Variants in RNF103 observed in about 807,000 individuals in gnomAD.
The protein encoded by RNF103 is E3 ubiquitin-protein ligase RNF103.
Under a neutral mutation model 66.2 loss-of-function variants are expected in RNF103, and 23 were observed. The ratio of observed to expected loss-of-function variants is 0.35; its 90% CI spans 0.25 to 0.49. RNF103 has a LOEUF of 0.49. Among genes scored for constraint, RNF103 ranks in the 20% least tolerant of loss-of-function variants. The pLI, the probability that RNF103 is intolerant of heterozygous loss-of-function variation, is 0.98. For missense variants in RNF103, 730 were observed against 814.7 expected (o/e 0.90, Z 1.27); for synonymous variants, 297 against 289.9 (o/e 1.02, Z -0.25).
rs1310751841 is a variant in RNF103, at chr2:86,617,193, G to A, written c.366+3137C>T. Reference sequence around the variant, plus strand: ...CATTACAGAGACTATACGTAACATGGACCTGGAAAAGCTTAAAAATATGAA... The same window carrying A: ...CATTACAGAGACTATACGTAACATGAACCTGGAAAAGCTTAAAAATATGAA... On this transcript the variant is annotated intron_variant, in intron 2 of 3. Transcript: ENST00000237455. The A allele has an allele frequency of 3.0e-6, 3 of 985,226 alleles. No homozygotes were observed. In the African/African-American group the frequency reaches 5.2e-5, roughly 17 times the overall value. The allele number at this position is 985,226 out of a possible 1,614,324, so 61.0% of individuals were successfully genotyped here. A position where few individuals can be genotyped will look rare whatever the true frequency, so the allele number is the denominator to read the frequency against.
chr2:86,609,512 G>A (rs1230821444), intron 3 of RNF103, among the ~76,000 whole-genome samples: 6 of 150,996 alleles, frequency 4.0e-5, no homozygotes, highest in African/African-American at 1.5e-4. Flanking sequence ...TCAGTCTCCC[G>A]AGTAGCTGGG....
intron 2 of RNF103, 82 bp from the exon 3 acceptor site, chr2:86,612,356 C>A: frequency 1.4e-6 from 1 of 731,926 alleles, no homozygotes. Context: ...AATATAATTT[C>A]ACTTAAAAAA....
rs1377632839 is a variant in RNF103, at chr2:86,605,163, G to GGGCT, written c.734_737dup (p.Pro247AlafsTer17). On this transcript the variant is annotated frameshift_variant, in exon 4 of 4. Transcript: ENST00000237455. LOFTEE classifies it high-confidence loss of function. The stretch of plus-strand genomic sequence containing the variant: ...TACTTAGTGCAGAGAAGAAAGCTGG[G>GGGCT]GGCTGGTCAAGGTTTGCAAATAGGT... 6.2e-7 allele frequency: 1 copy of GGGCT among 1,613,648 alleles called. No homozygotes were observed. The highest frequency in any genetic ancestry group is 8.5e-7 in the Non-Finnish European group (1 of 1,180,022).
Position 86,623,168 on chromosome 2 carries a change from A to G in RNF103, c.-282T>C. ...GGGGAAAAACTCAAAACCCCCATCC[A>G]TTAAGCACAGAAAGGAGAGGGGCGC... On this transcript the variant is annotated 5_prime_UTR_variant, in exon 1 of 4. It removes an upstream start codon present in the reference 5' UTR. Coordinates refer to ENST00000237455, the MANE Select transcript of RNF103 (RefSeq NM_005667.4). The G allele has an allele frequency of 9.1e-7, 1 of 1,099,846 alleles. No homozygotes were observed. The highest frequency in any genetic ancestry group is 1.1e-6 in the Non-Finnish European group (1 of 906,020). The allele number at this position is 1,099,846 out of a possible 1,614,324, so 68.1% of individuals were successfully genotyped here.
Position 86,604,830 on chromosome 2 carries a change from T to G in RNF103, c.1071A>C (p.Ile357=), listed in dbSNP as rs767823059. The G allele has an allele frequency of 6.2e-7, 1 of 1,614,126 alleles. No homozygotes were observed. Among genetic ancestry groups the G allele is most frequent in the South Asian group, 1.1e-5 (1 of 91,076 alleles). The change falls in exon 4 of 4, where the codon ATA becomes ATC. Residue 357 remains isoleucine (I), a synonymous_variant. Transcript: ENST00000237455. ...GATIKRFVVL[I]STLGTYNSLL... ...GAGAATTATATGTCCCTAAAGTGCT[T>G]ATGAGAACCACAAATCGCTTTATGG...
At position 86,604,114 on chromosome 2, in the gene RNF103, C is replaced by A. The variant is rs368827976; in HGVS notation, c.1787G>T (p.Gly596Val). Residue 596 changes from glycine to valine, a missense_variant, in exon 4 of 4, where the codon GGA becomes GTA. Gly to Val is a moderately radical substitution (Grantham distance 109). This residue lies in a region of RNF103 where 355 missense variants were observed against 351.9 expected (regional missense o/e 1.01). Transcript: ENST00000237455. ...CATATCTTCATTAGTGTTATATGATCCATATGACCTCCCCTTCCTTTCACA... is the reference window on the plus strand; with the variant it reads ...CATATCTTCATTAGTGTTATATGATACATATGACCTCCCCTTCCTTTCACA... ...SPCERKGRSY[G>V]SYNTNEDMEP... 4 of 1,613,334 alleles carry A rather than the reference C, an allele frequency of 2.5e-6. No individual in the cohort carries two copies. The highest frequency in any genetic ancestry group is 3.4e-6 in the Non-Finnish European group (4 of 1,180,036).
chr2:86,603,977 C>T lies in RNF103; in HGVS notation c.1924G>A (p.Val642Met). 3.7e-6 allele frequency: 6 copies of T among 1,614,130 alleles called. No individual in the cohort carries two copies. Among genetic ancestry groups the T allele is most frequent in the Non-Finnish European group, 4.2e-6 (5 of 1,180,028 alleles). ...CLLMGLPCGH[V>M]FHQNCIVMWL... ...ATCACAATGCAATTCTGATGAAACA[C>T]ATGACCACAAGGCAACCCCATTAGC... Residue 642 changes from valine (V) to methionine (M), a missense_variant, in exon 4 of 4, where the codon GTG (valine) becomes ATG (methionine). Physicochemically the swap from Val to Met is conservative, Grantham distance 21. Around this residue, in one of 3 missense-constraint regions of RNF103, gnomAD observed 355 missense variants for 351.9 expected, o/e 1.01. Transcript: ENST00000237455.
chr2:86,616,265 A>G (rs904948425), intron 2 of RNF103, among the ~76,000 whole-genome samples: 7 of 152,244 alleles, frequency 4.6e-5, no homozygotes, highest in African/African-American at 9.6e-5. Context: ...GTTAAGTAAC[A>G]TAACTCCCTG....
At chr2:86,616,530 A>G in intron 2 of RNF103, 1 of 985,402 alleles carries the variant, frequency 1.0e-6, no homozygotes, top group Non-Finnish European at 1.2e-6. Flanking sequence ...TCACCTCCAT[A>G]GCAGTATCAA....
chr2:86,608,901 T>C (rs936239506), intron 3 of RNF103, among the ~76,000 whole-genome samples: 3 of 152,156 alleles, frequency 2.0e-5, no homozygotes, highest in African/African-American at 4.8e-5. Flanking sequence ...TCTGGGTACA[T>C]AGGGAAAGAA....
chr2:86,617,917 G>A, intron 2 of RNF103: 1 of 923,664 alleles, frequency 1.1e-6, no homozygotes, highest in Non-Finnish European at 1.5e-6. Flanking sequence ...GCCAGAGATT[G>A]TTCTTTCAGA....
At chr2:86,617,258 G>A in intron 2 of RNF103, 1 of 985,382 alleles carries the variant, frequency 1.0e-6, no homozygotes. Context: ...CTTCATTTAT[G>A]AAAACACTCC....
At chr2:86,609,352 C>T (rs1168950499) in intron 3 of RNF103, among the ~76,000 whole-genome samples, 2 of 150,918 alleles carry the variant, frequency 1.3e-5, no homozygotes, top group Admixed American at 6.6e-5. Context: ...CTAAATAAAT[C>T]TATTTTCTTC....
chr2:86,617,452 A>G (rs1355578460), intron 2 of RNF103: 1 of 469,068 alleles, frequency 2.1e-6, no homozygotes, highest in African/African-American at 2.1e-5. Context: ...TACTGTTATA[A>G]TTGTTCTATT....
chr2:86,605,370 A>G lies in RNF103; in HGVS notation c.531T>C (p.Val177=). Residue 177 remains valine, a synonymous_variant, in exon 4 of 4, where the codon GTT becomes GTC. Coordinates refer to ENST00000237455, the MANE Select transcript of RNF103 (RefSeq NM_005667.4). ...TCCCTTTTGAAGTACTTGTTTGTGG[A>G]ACAGACATAATGAGTGTGGATCGGA... ...GWVRSTLIMS[V]PQTSTSKGKV... is the part of the protein sequence containing the mutation. 6.2e-7 allele frequency: 1 copy of G among 1,614,104 alleles called. No homozygotes were observed. The highest frequency in any genetic ancestry group is 8.5e-7 in the Non-Finnish European group (1 of 1,179,954).
chr2:86,605,516 A>C (rs1395037206), intron 3 of RNF103, 98 bp from the exon 4 acceptor site: 64 of 1,274,934 alleles, frequency 5.0e-5, no homozygotes, highest in Admixed American at 1.8e-4. Flanking sequence ...AAAGCCAAAT[A>C]ATTTCCAAAT....
chr2:86,609,507 C>G (rs1678703226), intron 3 of RNF103, among the ~76,000 whole-genome samples: 1 of 151,628 alleles, frequency 6.6e-6, no homozygotes, highest in Non-Finnish European at 1.5e-5. Flanking sequence ...TTGCCTCAGT[C>G]TCCCGAGTAG....
chr2:86,604,435 A>G lies in RNF103; in HGVS notation c.1466T>C (p.Phe489Ser), dbSNP rs1678465654. ...GTCAGGGAAAGCTAAGCGCTCCAAG[A>G]ATAAGTCAGGGTCTTCGTCCCAATC... ...ESDWDEDPDL[F>S]LERLAFPDLW... The change falls in exon 4 of 4, where the codon TTC (phenylalanine) becomes TCC (serine). Residue 489 changes from phenylalanine to serine, a missense_variant. Physicochemically the swap from Phe to Ser is radical, Grantham distance 155. Around this residue, in one of 3 missense-constraint regions of RNF103, gnomAD observed 355 missense variants for 351.9 expected, o/e 1.01. Coordinates refer to ENST00000237455, the MANE Select transcript of RNF103 (RefSeq NM_005667.4). 6.2e-7 allele frequency: 1 copy of G among 1,614,230 alleles called. No individual in the cohort carries two copies. Among genetic ancestry groups the G allele is most frequent in the Non-Finnish European group, 8.5e-7 (1 of 1,180,028 alleles).
At chr2:86,622,564 G>A (rs1679271374) in intron 1 of RNF103, 97 bp downstream of exon 1, 1 of 1,227,322 alleles carries the variant, frequency 8.1e-7, no homozygotes, top group African/African-American at 1.5e-5. Flanking sequence ...AACGCTTCCA[G>A]GAAAGGCCTC....
Sources: allele counts gnomAD v4.1 joint callset (sites outside exome capture counted in the v4.1 genomes callset), GRCh38; gene constraint gnomAD v4.1.1; regional missense constraint gnomAD v4.1.1; transcripts MANE v1.5; gene names NCBI Gene and HGNC (gene_info 2026-07-23, HGNC 2026-07-21).